Variants in GFM1 observed in about 807,000 individuals in gnomAD.
The protein encoded by GFM1 is G elongation factor mitochondrial 1, also known as elongation factor G, mitochondrial.
In GFM1, 62 loss-of-function variants were observed where a neutral mutation model predicts 96.2. The ratio of observed to expected loss-of-function variants is 0.64; its 90% confidence interval spans 0.53 to 0.80. The LOEUF (loss-of-function observed/expected upper bound fraction) is 0.80, where lower values mean the gene tolerates loss of function less well. GFM1 is among the 30% of genes least tolerant of loss of function. The probability of loss-of-function intolerance (pLI) is 0.00; values close to 1 mark genes in which losing one functional copy is unlikely to be tolerated. For synonymous variants in GFM1, 282 were observed against 312.9 expected (o/e 0.90, Z 1.04); for missense variants, 852 against 916.6 (o/e 0.93, Z 0.91).
Position 158,694,703 on chromosome 3 carries a change from A to G in GFM1, c.*3236A>G, listed in dbSNP as rs1182106277. On this transcript the variant is annotated 3_prime_UTR_variant, in exon 18 of 18. Coordinates refer to ENST00000486715, the MANE Select transcript of GFM1 (RefSeq NM_024996.7). The stretch of plus-strand genomic sequence containing the variant: ...ACACACCACCATGCCTGGCTTGATA[A>G]CTTTACCTTAAAAAAAAAAGTGTTC... Among the ~76,000 whole-genome samples, 1 of 152,074 alleles carries G rather than the reference A, an allele frequency of 6.6e-6. No homozygotes were observed. Among genetic ancestry groups the G allele is most frequent in the Admixed American group, 6.6e-5 (1 of 15,258 alleles).
At chr3:158,654,155 G>C (rs1722535481) in intron 7 of GFM1, among the ~76,000 whole-genome samples, 1 of 143,532 alleles carries the variant, frequency 7.0e-6, no homozygotes, top group African/African-American at 2.5e-5. Flanking sequence ...GTGTTTTTTA[G>C]TGTACTTTTG....
intron 13 of GFM1, chr3:158,670,934 A>AAGAAAAT (rs2108066078): frequency 6.6e-7 from 1 of 1,525,132 alleles, no homozygotes; most frequent in Non-Finnish European, 8.8e-7. Context: ...CCCTGTCTCA[A>AAGAAAAT]AGAAAAAAGA....
intron 13 of GFM1, among the ~76,000 whole-genome samples, chr3:158,668,693 T>G (rs185632307): frequency 4.5e-4 from 69 of 152,368 alleles, no homozygotes; most frequent in African/African-American, 1.6e-3. Flanking sequence ...TCCTAGTCTC[T>G]ATGTTCCCAG....
Position 158,694,939 on chromosome 3 carries a change from T to C in GFM1, c.*3472T>C, listed in dbSNP as rs1028673647. 6.6e-6 allele frequency among the ~76,000 whole-genome samples: 1 copy of C among 152,238 alleles called. No individual in the cohort carries two copies. The highest frequency in any genetic ancestry group is 1.5e-5 in the Non-Finnish European group (1 of 68,042). On this transcript the variant is annotated 3_prime_UTR_variant, in exon 18 of 18. Coordinates refer to ENST00000486715, the MANE Select transcript of GFM1 (RefSeq NM_024996.7). ...TGTAATTGTAATTAGCTAAGAGTGA[T>C]TCAGAATAATTTAGACTGTTAATGA...
chr3:158,667,931 A>G (rs1015796245), intron 13 of GFM1, among the ~76,000 whole-genome samples: 1 of 152,238 alleles, frequency 6.6e-6, no homozygotes, highest in Non-Finnish European at 1.5e-5. Context: ...TGGCATGACT[A>G]TAGTAATTTG....
At chr3:158,667,920 A>G (rs1723869264) in intron 13 of GFM1, among the ~76,000 whole-genome samples, 1 of 152,232 alleles carries the variant, frequency 6.6e-6, no homozygotes, top group African/African-American at 2.4e-5. Context: ...TAGTTTCAGT[A>G]TGGCATGACT....
At chr3:158,653,616 C>T (rs983205975) in intron 7 of GFM1, 149 bp downstream of exon 7, 19 of 655,868 alleles carry the variant, frequency 2.9e-5, no homozygotes, top group East Asian at 8.2e-5. Flanking sequence ...ACAATTTTGA[C>T]GTATAGAAAA....
At chr3:158,676,801 G>A (rs1313971866) in intron 13 of GFM1, among the ~76,000 whole-genome samples, 1 of 151,480 alleles carries the variant, frequency 6.6e-6, no homozygotes, top group Non-Finnish European at 1.5e-5. Flanking sequence ...CCAGGTTCAA[G>A]CAATTCTCCT....
At chr3:158,675,991 A>T (rs1724854114) in intron 13 of GFM1, among the ~76,000 whole-genome samples, 2 of 152,312 alleles carry the variant, frequency 1.3e-5, no homozygotes, top group African/African-American at 4.8e-5. Context: ...AAATTTAGCT[A>T]ACCAGGTGCA....
At position 158,691,573 on chromosome 3, in the gene GFM1, G is replaced by A. The variant is rs1168106514; in HGVS notation, c.*106G>A. On this transcript the variant is annotated 3_prime_UTR_variant, in exon 18 of 18. Coordinates refer to ENST00000486715, the MANE Select transcript of GFM1 (RefSeq NM_024996.7). ...AGGCTGCTGAAACAAGAAATTCTGA[G>A]CCCAGGAAGCGGGCTCTTCTTTCTT... 3 of 1,300,938 alleles carry A rather than the reference G, an allele frequency of 2.3e-6. No individual in the cohort carries two copies. Among genetic ancestry groups the A allele is most frequent in the Non-Finnish European group, 3.3e-6 (3 of 905,968 alleles). The allele number at this position is 1,300,938 out of a possible 1,614,324, so 80.6% of individuals were successfully genotyped here. A position where few individuals can be genotyped will look rare whatever the true frequency, so the allele number is the denominator to read the frequency against.
intron 2 of GFM1, 136 bp downstream of exon 2, chr3:158,645,917 A>G (rs1336937990): frequency 3.3e-6 from 3 of 920,736 alleles, no homozygotes; most frequent in Non-Finnish European, 5.2e-6. Flanking sequence ...GGCTTATCTG[A>G]AAGTTGCTTA....
At chr3:158,660,551 A>G (rs1464613724) in intron 9 of GFM1, 6 of 336,002 alleles carry the variant, frequency 1.8e-5, no homozygotes, top group Admixed American at 4.4e-5. Flanking sequence ...CCCCGCCAGT[A>G]CATGCCTTTT....
At chr3:158,661,315 G>T (rs905559724) in intron 10 of GFM1, among the ~76,000 whole-genome samples, 1 of 152,162 alleles carries the variant, frequency 6.6e-6, no homozygotes, top group Non-Finnish European at 1.5e-5. Flanking sequence ...CACACTTGGG[G>T]TGCATTTCTA....
intron 3 of GFM1, 43 bp from the exon 4 acceptor site, chr3:158,646,700 T>C: frequency 6.6e-7 from 1 of 1,520,586 alleles, no homozygotes; most frequent in Middle Eastern, 2.2e-4. Context: ...TATTAAAAAT[T>C]CAGATTGCTC....
intron 14 of GFM1, among the ~76,000 whole-genome samples, chr3:158,683,505 A>T (rs73030840): frequency 0.052 from 7,990 of 152,256 alleles, 660 homozygotes; most frequent in African/African-American, 0.18. Context: ...AAATAATTAG[A>T]TTTGAAAAAA....
chr3:158,695,287 T>G lies in GFM1; in HGVS notation c.*3820T>G, dbSNP rs1291232665. ...TGCTCAGGAGGCTGAGGCAGGAGGG[T>G]CGCTTGAACCCGGAAGGCGGAGGCT... On this transcript the variant is annotated 3_prime_UTR_variant, in exon 18 of 18. Coordinates refer to ENST00000486715, the MANE Select transcript of GFM1 (RefSeq NM_024996.7). The G allele has an allele frequency of 1.3e-5, 2 of 151,518 alleles. No individual in the cohort carries two copies. The highest frequency in any genetic ancestry group is 2.4e-5 in the African/African-American group (1 of 41,122). 9.4% of individuals were successfully genotyped at this position (151,518 alleles called of 1,614,324 possible). A position where few individuals can be genotyped will look rare whatever the true frequency, so the allele number is the denominator to read the frequency against.
At chr3:158,684,398 T>G in intron 14 of GFM1, 126 bp from the exon 15 acceptor site, 1 of 892,744 alleles carries the variant, frequency 1.1e-6, no homozygotes, top group East Asian at 2.5e-5. Context: ...AAAAAATTAT[T>G]TTTGAGGGGT....
At chr3:158,688,805 A>C (rs1726074394) in intron 15 of GFM1, among the ~76,000 whole-genome samples, 1 of 152,232 alleles carries the variant, frequency 6.6e-6, no homozygotes. Flanking sequence ...AAATTCACTC[A>C]TTAGAACTAA....
In GFM1 at chr3:158,692,185, A is replaced by G. The variant is rs1027817530; in HGVS notation, c.*718A>G. The G allele has an allele frequency of 6.6e-6, 1 of 152,386 alleles. No homozygotes were observed. The highest frequency in any genetic ancestry group is 1.5e-5 in the Non-Finnish European group (1 of 68,178). 9.4% of individuals were successfully genotyped at this position (152,386 alleles called of 1,614,324 possible). ...TTTATTTCAGTTTGTGGTTTCTGCAAATTTGTAACTGCCTCTGTTTTAGGA... is the reference window on the plus strand; with the variant it reads ...TTTATTTCAGTTTGTGGTTTCTGCAGATTTGTAACTGCCTCTGTTTTAGGA... On this transcript the variant is annotated 3_prime_UTR_variant, in exon 18 of 18. Coordinates refer to ENST00000486715, the MANE Select transcript of GFM1 (RefSeq NM_024996.7).
Sources: allele counts gnomAD v4.1 joint callset (sites outside exome capture counted in the v4.1 genomes callset), GRCh38; gene constraint gnomAD v4.1.1; transcripts MANE v1.5; gene names NCBI Gene and HGNC (gene_info 2026-07-23, HGNC 2026-07-21).